The following CCDC57 variants were observed in gnomAD, a reference collection of about 807,000 sequenced individuals.
CCDC57 encodes the protein coiled-coil domain containing 57.
A neutral mutation model predicts 118.9 loss-of-function variants in CCDC57; 118 were observed. The observed-to-expected ratio is 0.99, with a 90% CI of 0.86 to 1.16. The LOEUF (loss-of-function observed/expected upper bound fraction) is 1.16. CCDC57 is among the 50% of genes most tolerant of loss of function. The probability of loss-of-function intolerance (pLI) is 0.00; values close to 1 mark genes in which losing one functional copy is unlikely to be tolerated. For missense variants in CCDC57, 1,300 were observed against 1,320.7 expected (o/e 0.98, Z 0.24); for synonymous variants, 527 against 532.9 (o/e 0.99, Z 0.15).
chr17:82,150,171 G>GCGCACAC (rs1491372587), intron 16 of CCDC57, among the ~76,000 whole-genome samples: 1 of 140,122 alleles, frequency 7.1e-6, no homozygotes, highest in African/African-American at 2.7e-5. Flanking sequence ...CCAGAACCAG[G>GCGCACAC]TGCACACCCA....
At chr17:82,127,767 G>T (rs756431589) in exon 19 of CCDC57, 2 of 1,613,074 alleles carry the variant, frequency 1.2e-6, no homozygotes, top group South Asian at 2.2e-5. Flanking sequence ...ATGTCCTGGA[G>T]GGTGCCACTG....
chr17:82,171,971 T>C (rs996701262), intron 12 of CCDC57, 118 bp from the exon 12 acceptor site: 1 of 1,037,836 alleles, frequency 9.6e-7, no homozygotes, highest in Non-Finnish European at 1.4e-6. Flanking sequence ...TCACTGTCCC[T>C]GTCCTCCTCA....
intron 9 of CCDC57, among the ~76,000 whole-genome samples, chr17:82,180,758 A>G (rs1031903586): frequency 6.6e-6 from 1 of 152,238 alleles, no homozygotes; most frequent in African/African-American, 2.4e-5. Flanking sequence ...TACAGGCGTG[A>G]GCCACTGGGC....
chr17:82,127,926 G>A lies in CCDC57; in HGVS notation c.2683-18C>T, dbSNP rs774107709. On this transcript the variant is annotated intron_variant, in intron 18 of 19. Transcript: ENST00000665763. ...TGTTGTGTCTAGAAAAGACATCATCGTCTTGAAAGCCACCCTCTCCAACCC... is the reference window on the plus strand; with the variant it reads ...TGTTGTGTCTAGAAAAGACATCATCATCTTGAAAGCCACCCTCTCCAACCC... 6.8e-6 allele frequency: 11 copies of A among 1,610,150 alleles called. No individual in the cohort carries two copies. Among genetic ancestry groups the A allele is most frequent in the East Asian group, 2.2e-5 (1 of 44,800 alleles).
At chr17:82,197,180 TCCTGCAGAGACGCAGCCCCTCATGACA>T (rs2048421101) in intron 4 of CCDC57, among the ~76,000 whole-genome samples, 10 of 98,186 alleles carry the variant, frequency 1.0e-4, no homozygotes, top group African/African-American at 3.6e-4. Flanking sequence ...CCCTCGTGAC[TCCTGCAGAGACGCAGCCCCTCATGACA>T]CCTGCAGAGA....
intron 14 of CCDC57, among the ~76,000 whole-genome samples, chr17:82,159,439 C>T (rs8077926): frequency 1.3e-5 from 2 of 151,810 alleles, no homozygotes; most frequent in African/African-American, 4.8e-5. Context: ...GAGCCCCTCA[C>T]GTGTACATGG....
At chr17:82,104,187 G>A (rs928245256) in intron 19 of CCDC57, among the ~76,000 whole-genome samples, 4 of 152,196 alleles carry the variant, frequency 2.6e-5, no homozygotes, top group Admixed American at 6.5e-5. Flanking sequence ...CCGCCTTCTC[G>A]CCTGACCTGT....
intron 4 of CCDC57, among the ~76,000 whole-genome samples, chr17:82,196,539 G>T (rs1449758548): frequency 1.3e-5 from 2 of 152,134 alleles, no homozygotes; most frequent in Non-Finnish European, 1.5e-5. Context: ...TGGCAAATTA[G>T]TGACACACTG....
Position 82,212,382 on chromosome 17 carries a change from CTTTTTTTTTCCTCTCTT to C in CCDC57, c.-211+386_-211+402del, listed in dbSNP as rs1200266757. ...ACAGGCGCGAACCACCGCCTCCGGC[CTTTTTTTTTCCTCTCTT>C]TTTTTTTTTTTTTTTTTAAACTCAC... On this transcript the variant is annotated intron_variant, in intron 1 of 19. Coordinates refer to ENST00000665763, the Ensembl canonical transcript of CCDC57. This position sits in a 1 kb window ranked among gnomAD's most constrained non-coding sequence, Gnocchi z 4.1. Among the ~76,000 whole-genome samples, 1 of 112,586 alleles carries C rather than the reference CTTTTTTTTTCCTCTCTT, an allele frequency of 8.9e-6. No individual in the cohort carries two copies. Among genetic ancestry groups the C allele is most frequent in the Non-Finnish European group, 1.8e-5 (1 of 55,234 alleles). The allele number at this position is 112,586 out of a possible 152,430, so 73.9% of individuals were successfully genotyped here.
At chr17:82,117,026 T>C (rs1274766519) in intron 19 of CCDC57, among the ~76,000 whole-genome samples, 1 of 152,164 alleles carries the variant, frequency 6.6e-6, no homozygotes, top group African/African-American at 2.4e-5. Flanking sequence ...AGATGGCCAA[T>C]TGATAGGAAA....
chr17:82,130,662 C>G (rs751434385), intron 17 of CCDC57, among the ~76,000 whole-genome samples: 1 of 150,670 alleles, frequency 6.6e-6, no homozygotes, highest in Non-Finnish European at 1.5e-5. Context: ...GCCACCACAA[C>G]TGGCTAATTT....
At chr17:82,113,659 C>T (rs1006718044) in intron 19 of CCDC57, 11 of 716,874 alleles carry the variant, frequency 1.5e-5, no homozygotes, top group African/African-American at 3.5e-5. Context: ...CCAGGCTGGG[C>T]GTGGGGCCCA....
At chr17:82,194,078 C>T (rs773814124) in exon 6 of CCDC57, 1 of 1,613,804 alleles carries the variant, frequency 6.2e-7, no homozygotes, top group Admixed American at 1.7e-5. Context: ...CCTCTGCAGA[C>T]TCTCTGCAGC....
At chr17:82,127,031 C>A (rs2037544396) in intron 19 of CCDC57, 6 of 985,424 alleles carry the variant, frequency 6.1e-6, no homozygotes, top group Non-Finnish European at 7.2e-6. Flanking sequence ...CATCACAGAC[C>A]CATGCAGTCC....
chr17:82,189,283 T>C (rs59165334), intron 7 of CCDC57, among the ~76,000 whole-genome samples: 3,045 of 149,502 alleles, frequency 0.02, 96 homozygotes, highest in African/African-American at 0.069. Context: ...CAAACCACAT[T>C]AGCAACAGTA....
intron 19 of CCDC57, among the ~76,000 whole-genome samples, chr17:82,107,109 C>T (rs984881141): frequency 1.3e-5 from 2 of 152,212 alleles, no homozygotes; most frequent in African/African-American, 4.8e-5. Context: ...GCTACGCCAG[C>T]CACACACTTA....
chr17:82,183,055 T>A (rs557842592), intron 9 of CCDC57, among the ~76,000 whole-genome samples: 5 of 152,196 alleles, frequency 3.3e-5, no homozygotes, highest in Non-Finnish European at 5.9e-5. Context: ...ACCGCCCCCA[T>A]GAGCCAATCA....
intron 19 of CCDC57, among the ~76,000 whole-genome samples, chr17:82,109,240 C>G (rs941434939): frequency 6.6e-6 from 1 of 152,228 alleles, no homozygotes; most frequent in Non-Finnish European, 1.5e-5. Flanking sequence ...CGCAGGAGAG[C>G]TCAGACTCCA....
At chr17:82,203,701 G>A (rs988337481) in intron 2 of CCDC57, among the ~76,000 whole-genome samples, 1 of 152,134 alleles carries the variant, frequency 6.6e-6, no homozygotes, top group Non-Finnish European at 1.5e-5. Context: ...GTATGAGCTC[G>A]ATTTGGACAC....
Sources: gnomAD v4.1 joint callset for allele counts (sites outside exome capture counted in the v4.1 genomes callset) on GRCh38, gnomAD v4.1.1 for gene constraint, Gnocchi (gnomAD v3.1) non-coding constraint, MANE v1.5 for transcripts, NCBI Gene and HGNC (gene_info 2026-07-23, HGNC 2026-07-21) for gene names.